Variants in KDM7A observed in about 807,000 individuals in gnomAD.
KDM7A encodes the protein lysine demethylase 7A, also known as lysine-specific demethylase 7A.
In KDM7A, 28 loss-of-function variants were observed where a neutral mutation model predicts 114.8. The observed-to-expected ratio is 0.24, with a 90% confidence interval of 0.18 to 0.33. The LOEUF (loss-of-function observed/expected upper bound fraction) is 0.33, where lower values mean the gene tolerates loss of function less well. KDM7A is among the 10% of genes least tolerant of loss of function. The probability of loss-of-function intolerance (pLI) is 1.00; values close to 1 mark genes in which losing one functional copy is unlikely to be tolerated. For synonymous variants in KDM7A, 423 were observed against 397.8 expected, an observed-to-expected ratio of 1.06 and a Z score of -0.75; for missense variants, 942 against 1,142.5, an observed-to-expected ratio of 0.82 and a Z score of 2.53.
intron 1 of KDM7A, among the ~76,000 whole-genome samples, chr7:140,168,109 C>A (rs1794598096): frequency 6.6e-6 from 1 of 152,148 alleles, no homozygotes; most frequent in Non-Finnish European, 1.5e-5. Flanking sequence ...GACAACACAT[C>A]CTGATGACAA....
Position 140,159,660 on chromosome 7 carries a change from GGAC to G in KDM7A, c.194+17081_194+17083del, listed in dbSNP as rs572683910. Reference sequence around the variant, plus strand: ...CACCCAATCTTGCCATTCATACTGAGGACCGTCCTGAGGCTGTGGGCAGTTTCT... The same window carrying G: ...CACCCAATCTTGCCATTCATACTGAGCGTCCTGAGGCTGTGGGCAGTTTCT... On this transcript the variant is annotated intron_variant, in intron 1 of 19. Coordinates refer to ENST00000397560, the MANE Select transcript of KDM7A (RefSeq NM_030647.2). Among the ~76,000 whole-genome samples the G allele has an allele frequency of 1.9e-3, 285 of 152,318 alleles. 2 individuals carry two copies. The highest frequency in any genetic ancestry group is 6.6e-3 in the African/African-American group (275 of 41,572).
At chr7:140,147,130 T>C (rs1794347599) in intron 1 of KDM7A, among the ~76,000 whole-genome samples, 1 of 152,112 alleles carries the variant, frequency 6.6e-6, no homozygotes, top group East Asian at 1.9e-4. Context: ...TGATACACAT[T>C]TCCTACCAAA....
In KDM7A at chr7:140,114,889, G is replaced by A. The variant is rs1443575084; in HGVS notation, c.1247-1307C>T. Among the ~76,000 whole-genome samples the A allele has an allele frequency of 3.9e-4, 43 of 109,140 alleles. 1 individual carries two copies. The highest frequency in any genetic ancestry group is 1.6e-3 in the Admixed American group (18 of 11,408). The allele number at this position is 109,140 out of a possible 152,430, so 71.6% of individuals were successfully genotyped here. ...CGTCTGAGAAGTGAGGAGCCCCTCCGCCCGGAAGCCGCCCCGTCTGAGAAG... is the reference window on the plus strand; with the variant it reads ...CGTCTGAGAAGTGAGGAGCCCCTCCACCCGGAAGCCGCCCCGTCTGAGAAG... On this transcript the variant is annotated intron_variant, in intron 9 of 19. Coordinates refer to ENST00000397560, the MANE Select transcript of KDM7A (RefSeq NM_030647.2).
chr7:140,097,429 G>A (rs1294300282), intron 15 of KDM7A, 116 bp downstream of exon 15: 1 of 626,970 alleles, frequency 1.6e-6, no homozygotes, highest in Non-Finnish European at 2.9e-6. Flanking sequence ...CTGTGCTAAT[G>A]TAAGTCAGAC....
rs7778782 is a variant in KDM7A at position 140,099,382 on chromosome 7, A to G, written c.1764-349T>C. ...CTAATTTATTTTTATTTTTTTGTAG[A>G]GATGGAGTCTTGCTAAGTTGCCCAA... is the stretch of plus-strand genomic sequence containing the variant. On this transcript the variant is annotated intron_variant, in intron 13 of 19. Transcript: ENST00000397560. Among the ~76,000 whole-genome samples the G allele has an allele frequency of 4.2e-3, 646 of 152,214 alleles. 8 individuals carry two copies. The highest frequency in any genetic ancestry group is 0.014 in the African/African-American group (587 of 41,526).
At chr7:140,099,537 TGGTACCAGTCCGTGGCCTGTTA>T (rs953997438) in intron 13 of KDM7A, among the ~76,000 whole-genome samples, 4 of 152,082 alleles carry the variant, frequency 2.6e-5, no homozygotes, top group Admixed American at 6.5e-5. Context: ...GGCCATAGAC[TGGTACCAGTCCGTGGCCTGTTA>T]GGAACCAGGC....
intron 1 of KDM7A, among the ~76,000 whole-genome samples, chr7:140,175,615 C>A (rs1794694229): frequency 6.6e-6 from 1 of 152,226 alleles, no homozygotes; most frequent in Non-Finnish European, 1.5e-5. Context: ...CCTCCCACGC[C>A]GGAGTCAAGA....
intron 13 of KDM7A, 97 bp downstream of exon 13, chr7:140,099,802 T>A: frequency 8.7e-7 from 1 of 1,149,062 alleles, no homozygotes; most frequent in Admixed American, 1.8e-5. Flanking sequence ...ACAAAACCGG[T>A]CCCTGGTGCC....
chr7:140,106,287 T>C (rs1201870439), intron 11 of KDM7A, among the ~76,000 whole-genome samples: 1 of 152,218 alleles, frequency 6.6e-6, no homozygotes, highest in Non-Finnish European at 1.5e-5. Flanking sequence ...TCTATCTCCT[T>C]CAGTTCTGCT....
Position 140,092,077 on chromosome 7 carries a change from C to T in KDM7A, c.2458G>A (p.Asp820Asn). 5 of 1,613,882 alleles carry T rather than the reference C, an allele frequency of 3.1e-6. No individual in the cohort carries two copies. Among genetic ancestry groups the T allele is most frequent in the South Asian group, 2.2e-5 (2 of 91,080 alleles). Reference sequence around the variant, plus strand: ...ATGCATTTCTGGCTTCTACTTAGATCCTGAAGGAGGAGGAAGGACATGAGG... The same window carrying T: ...ATGCATTTCTGGCTTCTACTTAGATTCTGAAGGAGGAGGAAGGACATGAGG... Reference protein sequence around the residue: ...QFDTSRFHPQDLSRSQKCIRK... With the variant: ...QFDTSRFHPQNLSRSQKCIRK... Residue 820 changes from aspartate to asparagine, a missense_variant and splice_region_variant, in exon 19 of 20, where the codon GAT becomes AAT. Around this residue, in one of 4 missense-constraint regions of KDM7A, gnomAD observed 512 missense variants for 576.6 expected, o/e 0.89. Transcript: ENST00000397560.
At chr7:140,109,253 G>A (rs779760117) in intron 11 of KDM7A, among the ~76,000 whole-genome samples, 1 of 152,166 alleles carries the variant, frequency 6.6e-6, no homozygotes, top group African/African-American at 2.4e-5. Flanking sequence ...TTTGGCTCAC[G>A]CTCCGTGGGC....
rs758835716 is a variant in KDM7A at position 140,091,079 on chromosome 7, G to A, written c.*15C>T. ...CTGGTCTCCAAAGGGAAGAATGGCT[G>A]CAACAGCAGCTCTGTCACACAAAGA... On this transcript the variant is annotated 3_prime_UTR_variant, in exon 20 of 20. Transcript: ENST00000397560. 55 of 1,590,902 alleles carry A rather than the reference G, an allele frequency of 3.5e-5. No homozygotes were observed. The highest frequency in any genetic ancestry group is 4.7e-5 in the Non-Finnish European group (54 of 1,158,674).
chr7:140,099,143 C>T, intron 13 of KDM7A, 110 bp from the exon 14 acceptor site: 1 of 858,376 alleles, frequency 1.2e-6, no homozygotes, highest in Non-Finnish European at 1.8e-6. Flanking sequence ...AGACACTGTC[C>T]CCATATTTCA....
intron 1 of KDM7A, among the ~76,000 whole-genome samples, chr7:140,166,072 C>T (rs1034568724): frequency 4.6e-5 from 7 of 152,054 alleles, no homozygotes; most frequent in Admixed American, 4.6e-4. Flanking sequence ...ATAAGTTAAA[C>T]TTTGTCATGG....
chr7:140,104,722 AGC>A (rs1193303456), intron 11 of KDM7A, among the ~76,000 whole-genome samples: 64 of 152,318 alleles, frequency 4.2e-4, no homozygotes, highest in Non-Finnish European at 6.8e-4. Flanking sequence ...GAAGTCAGGT[AGC>A]ATGATGCCTC....
rs556185296 is a variant in KDM7A at position 140,161,617 on chromosome 7, G to A, written c.194+15127C>T. Among the ~76,000 whole-genome samples, 46 of 151,304 alleles carry A rather than the reference G, an allele frequency of 3.0e-4. No homozygotes were observed. The South Asian group carries it at 8.1e-3, about 27-fold the overall frequency. ...GGCTGGAGTGCTGTGGCGTGATCTC[G>A]GCTCACTGCAACCTCTGCCTCCCAG... On this transcript the variant is annotated intron_variant, in intron 1 of 19. Coordinates refer to ENST00000397560, the MANE Select transcript of KDM7A (RefSeq NM_030647.2).
At position 140,171,581 on chromosome 7, in the gene KDM7A, A is replaced by T. The variant is rs192878444; in HGVS notation, c.194+5163T>A. On this transcript the variant is annotated intron_variant, in intron 1 of 19. Coordinates refer to ENST00000397560, the MANE Select transcript of KDM7A (RefSeq NM_030647.2). ...TATTTTTATATATTTATATATATAT[A>T]TTTTTATATAGTTGTATTTATATAT... 5.8e-3 allele frequency among the ~76,000 whole-genome samples: 842 copies of T among 144,090 alleles called. 8 individuals are homozygous for T. Among genetic ancestry groups the T allele is most frequent in the African/African-American group, 0.018 (730 of 39,594 alleles). 94.5% of individuals were successfully genotyped at this position (144,090 alleles called of 152,430 possible). A position where few individuals can be genotyped will look rare whatever the true frequency, so the allele number is the denominator to read the frequency against.
intron 1 of KDM7A, among the ~76,000 whole-genome samples, chr7:140,142,164 A>T (rs967574390): frequency 6.6e-6 from 1 of 150,498 alleles, no homozygotes; most frequent in African/African-American, 2.4e-5. Context: ...CACACATAAA[A>T]CACAAAGTAC....
chr7:140,176,921 G>C lies in KDM7A; in HGVS notation c.17C>G (p.Ala6Gly). Residue 6 changes from alanine to glycine, a missense_variant, in exon 1 of 20, where the codon GCG becomes GGG. Transcript: ENST00000397560. The surrounding 1 kb of genome is among the most constrained non-coding windows in gnomAD (Gnocchi z 4.4). MAGAA[A>G]AVAAGAAAGA... Reference sequence around the variant, plus strand: ...AGCTGCTGCTCCCGCGGCCACCGCCGCCGCCGCTCCGGCCATCTTTAAAAA... The same window carrying C: ...AGCTGCTGCTCCCGCGGCCACCGCCCCCGCCGCTCCGGCCATCTTTAAAAA... 1 of 1,164,372 alleles carries C rather than the reference G, an allele frequency of 8.6e-7. No individual in the cohort carries two copies. Among genetic ancestry groups the C allele is most frequent in the Non-Finnish European group, 1.1e-6 (1 of 939,076 alleles). The allele number at this position is 1,164,372 out of a possible 1,614,324, so 72.1% of individuals were successfully genotyped here. A position where few individuals can be genotyped will look rare whatever the true frequency, so the allele number is the denominator to read the frequency against.
Sources: allele counts gnomAD v4.1 joint callset (sites outside exome capture counted in the v4.1 genomes callset), GRCh38; gene constraint gnomAD v4.1.1; regional missense constraint gnomAD v4.1.1; non-coding constraint Gnocchi (gnomAD v3.1); transcripts MANE v1.5; gene names NCBI Gene and HGNC (gene_info 2026-07-23, HGNC 2026-07-21).